The following RAD54L2 variants were observed in gnomAD, a reference collection of about 807,000 sequenced individuals.
RAD54L2 encodes the protein RAD54 like 2.
RAD54L2 carries 27 observed loss-of-function variants against 138.4 expected under a neutral mutation model. The observed-to-expected ratio is 0.20, with a 90% CI of 0.14 to 0.27. The LOEUF (loss-of-function observed/expected upper bound fraction) is 0.27. RAD54L2 is among the 10% of genes least tolerant of loss of function. RAD54L2 has a pLI of 1.00. For missense variants in RAD54L2, 1,396 were observed against 1,890.2 expected (o/e 0.74, Z 4.85); for synonymous variants, 644 against 723.2 (o/e 0.89, Z 1.76).
rs1224744322 is a variant in RAD54L2 at position 51,668,594 on chromosome 3, G to T, written c.*5174G>T. On this transcript the variant is annotated 3_prime_UTR_variant, in exon 23 of 23. Coordinates refer to ENST00000684192, the MANE Select transcript of RAD54L2 (RefSeq NM_015106.4). ...TTAAAAAAAAGCAAACAGAACAATT[G>T]TAAGTCAGTATAACTGCCTATCAGT... is the stretch of plus-strand genomic sequence containing the variant. The T allele has an allele frequency of 6.6e-6, 1 of 152,208 alleles. No individual in the cohort carries two copies. Among genetic ancestry groups the T allele is most frequent in the African/African-American group, 2.4e-5 (1 of 41,452 alleles). 9.4% of individuals were successfully genotyped at this position (152,208 alleles called of 1,614,324 possible). A position where few individuals can be genotyped will look rare whatever the true frequency, so the allele number is the denominator to read the frequency against.
At chr3:51,643,255 G>A (rs1701186005) in intron 15 of RAD54L2, among the ~76,000 whole-genome samples, 2 of 152,076 alleles carry the variant, frequency 1.3e-5, no homozygotes, top group Admixed American at 6.5e-5. Flanking sequence ...GGATGGTCTC[G>A]ATCTCTTGAC....
intron 19 of RAD54L2, among the ~76,000 whole-genome samples, chr3:51,650,210 G>A (rs996414105): frequency 6.6e-6 from 1 of 152,310 alleles, no homozygotes; most frequent in Admixed American, 6.5e-5. Context: ...CAATGGTAAA[G>A]GAATCAATGC....
rs987487510 is a variant in RAD54L2 at position 51,655,875 on chromosome 3, T to C, written c.3027-96T>C. The C allele has an allele frequency of 1.0e-5, 11 of 1,048,616 alleles. No homozygotes were observed. The African/African-American group carries it at 1.6e-4, about 15-fold the overall frequency. The allele number at this position is 1,048,616 out of a possible 1,614,324, so 65.0% of individuals were successfully genotyped here. A position where few individuals can be genotyped will look rare whatever the true frequency, so the allele number is the denominator to read the frequency against. ...TCCTTCTCTGAGCATCAACTGATGG[T>C]GTAGAATGGGGCAGCCTAGAAAGGC... is the stretch of plus-strand genomic sequence containing the variant. On this transcript the variant is annotated intron_variant, in intron 19 of 22. Coordinates refer to ENST00000684192, the MANE Select transcript of RAD54L2 (RefSeq NM_015106.4).
intron 2 of RAD54L2, among the ~76,000 whole-genome samples, chr3:51,543,608 CA>C (rs1169502388): frequency 0.016 from 960 of 60,504 alleles, 8 homozygotes; most frequent in African/African-American, 0.039. Context: ...AACTCCATCT[CA>C]AAAAAAAAAA....
intron 2 of RAD54L2, among the ~76,000 whole-genome samples, chr3:51,568,191 G>A (rs1699259462): frequency 2.0e-5 from 3 of 152,098 alleles, no homozygotes; most frequent in Admixed American, 1.3e-4. Context: ...AGCTGTCACC[G>A]TTGACTTAGC....
intron 3 of RAD54L2, among the ~76,000 whole-genome samples, chr3:51,621,539 C>T (rs1211088464): frequency 1.3e-5 from 2 of 152,106 alleles, no homozygotes; most frequent in Non-Finnish European, 2.9e-5. Context: ...CGGGAACAGC[C>T]CATTCCACAA....
At chr3:51,626,971 T>C (rs1700708030) in intron 3 of RAD54L2, among the ~76,000 whole-genome samples, 1 of 152,150 alleles carries the variant, frequency 6.6e-6, no homozygotes, top group African/African-American at 2.4e-5. Context: ...ATGCCCTGTC[T>C]CCCTAAGCAG....
At chr3:51,628,193 A>C (rs1173492724) in intron 4 of RAD54L2, among the ~76,000 whole-genome samples, 1 of 152,122 alleles carries the variant, frequency 6.6e-6, no homozygotes, top group East Asian at 1.9e-4. Context: ...AAAAATGTGA[A>C]CTTCTTTAAC....
At chr3:51,605,682 C>T (rs764573827) in intron 3 of RAD54L2, among the ~76,000 whole-genome samples, 1 of 152,086 alleles carries the variant, frequency 6.6e-6, no homozygotes, top group Non-Finnish European at 1.5e-5. Flanking sequence ...GAACTCCTGA[C>T]CTCAAGTGAT....
intron 2 of RAD54L2, among the ~76,000 whole-genome samples, chr3:51,567,960 AAG>A (rs1441209314): frequency 6.6e-6 from 1 of 151,268 alleles, no homozygotes; most frequent in African/African-American, 2.4e-5. Context: ...AAAAAAAAAA[AAG>A]AATGTCTTAA....
intron 5 of RAD54L2, 56 bp downstream of exon 5, chr3:51,629,529 G>A: frequency 6.3e-7 from 1 of 1,586,578 alleles, no homozygotes. Flanking sequence ...GAAGCCCTAG[G>A]TGCACACAGT....
chr3:51,635,848 C>A, intron 10 of RAD54L2, 59 bp downstream of exon 10: 1 of 1,457,880 alleles, frequency 6.9e-7, no homozygotes, highest in Non-Finnish European at 9.2e-7. Context: ...GAAATCATGT[C>A]TACTAATAGC....
At chr3:51,606,520 T>C (rs191692923) in intron 3 of RAD54L2, among the ~76,000 whole-genome samples, 4 of 152,344 alleles carry the variant, frequency 2.6e-5, no homozygotes, top group Admixed American at 2.6e-4. Context: ...AATGCTCTTC[T>C]AGCTTAGAGA....
chr3:51,545,056 T>G (rs747277745), intron 2 of RAD54L2, among the ~76,000 whole-genome samples: 8 of 152,218 alleles, frequency 5.3e-5, no homozygotes, highest in Non-Finnish European at 1.0e-4. Context: ...GACTATAAAA[T>G]TATCTGTATC....
At chr3:51,542,766 G>T (rs781984075) in intron 2 of RAD54L2, among the ~76,000 whole-genome samples, 2 of 152,104 alleles carry the variant, frequency 1.3e-5, no homozygotes, top group African/African-American at 2.4e-5. Context: ...CCTGGCCAAG[G>T]TTGTCTTTAT....
At chr3:51,594,479 G>A (rs1699915609) in intron 3 of RAD54L2, among the ~76,000 whole-genome samples, 1 of 152,178 alleles carries the variant, frequency 6.6e-6, no homozygotes, top group African/African-American at 2.4e-5. Flanking sequence ...GTATAACTTA[G>A]CAAGAAATTG....
chr3:51,569,781 A>G (rs1377204759), intron 2 of RAD54L2, among the ~76,000 whole-genome samples: 2 of 152,158 alleles, frequency 1.3e-5, no homozygotes, highest in African/African-American at 2.4e-5. Context: ...TGCCTGGCAC[A>G]GTGTCTTTTT....
intron 15 of RAD54L2, among the ~76,000 whole-genome samples, chr3:51,642,330 C>CTTT (rs367658494): frequency 4.6e-5 from 6 of 130,636 alleles, no homozygotes; most frequent in Admixed American, 1.5e-4. Context: ...AGGGGATGAA[C>CTTT]TTTTTTTTTT....
At chr3:51,584,941 G>C (rs1699681045) in intron 2 of RAD54L2, among the ~76,000 whole-genome samples, 1 of 151,812 alleles carries the variant, frequency 6.6e-6, no homozygotes, top group African/African-American at 2.4e-5. Flanking sequence ...AAGTAGATGG[G>C]ACTACAGGTA....
Sources: gnomAD v4.1 joint callset for allele counts (sites outside exome capture counted in the v4.1 genomes callset) on GRCh38, gnomAD v4.1.1 for gene constraint, MANE v1.5 for transcripts, NCBI Gene and HGNC (gene_info 2026-07-23, HGNC 2026-07-21) for gene names.